Variants in CEP128 observed in about 807,000 individuals in gnomAD.
CEP128 encodes the protein centrosomal protein 128, also known as centrosomal protein 128kDa.
In CEP128, 132 loss-of-function variants were observed where a neutral mutation model predicts 156.7. The observed-to-expected ratio is 0.84, with a 90% confidence interval of 0.73 to 0.97. The LOEUF is 0.97. Among genes scored for constraint, CEP128 ranks in the 50% least tolerant of loss-of-function variants. CEP128 has a pLI of 0.00. For missense variants in CEP128, 1,252 were observed against 1,281.9 expected (o/e 0.98, Z 0.36); for synonymous variants, 469 against 448.9 (o/e 1.04, Z -0.57).
At chr14:80,650,962 T>C (rs1894876145) in intron 19 of CEP128, among the ~76,000 whole-genome samples, 1 of 152,194 alleles carries the variant, frequency 6.6e-6, no homozygotes, top group Non-Finnish European at 1.5e-5. Context: ...TCCTTCTTTT[T>C]CTATTGTTTG....
At chr14:80,939,166 G>C (rs1886007355) in intron 2 of CEP128, among the ~76,000 whole-genome samples, 1 of 152,176 alleles carries the variant, frequency 6.6e-6, no homozygotes, top group Admixed American at 6.5e-5. Context: ...GTACATCACT[G>C]TTGCTTTTGT....
chr14:80,699,827 C>T (rs143104648), intron 19 of CEP128, among the ~76,000 whole-genome samples: 5 of 152,216 alleles, frequency 3.3e-5, no homozygotes, highest in African/African-American at 7.2e-5. Flanking sequence ...CCAGGAAATG[C>T]TAAAATCTAA....
chr14:80,952,986 A>G (rs1296536685), intron 2 of CEP128, among the ~76,000 whole-genome samples: 1 of 152,236 alleles, frequency 6.6e-6, no homozygotes, highest in Non-Finnish European at 1.5e-5. Flanking sequence ...ATCTATGTTT[A>G]GAAACTGGAT....
chr14:80,819,720 G>A (rs183188639), intron 13 of CEP128, among the ~76,000 whole-genome samples: 3 of 152,272 alleles, frequency 2.0e-5, no homozygotes, highest in African/African-American at 4.8e-5. Context: ...CATGCCGAAA[G>A]GGCCTGGTTG....
rs1595539608 is a variant in CEP128, at chr14:80,880,897, A to AT, written c.645+14820dup. On this transcript the variant is annotated intron_variant, in intron 8 of 24. Coordinates refer to ENST00000555265, the MANE Select transcript of CEP128 (RefSeq NM_152446.5). ...AATAATAATAATAATAATAATAATA[A>AT]TAATAATAATAATTTCAGTAAAGGA... Among the ~76,000 whole-genome samples the AT allele has an allele frequency of 2.8e-5, 4 of 143,648 alleles. No individual in the cohort carries two copies. The East Asian group carries it at 8.2e-4, about 29-fold the overall frequency. 94.2% of individuals were successfully genotyped at this position (143,648 alleles called of 152,430 possible). A position where few individuals can be genotyped will look rare whatever the true frequency, so the allele number is the denominator to read the frequency against.
At chr14:80,895,024 C>G (rs1206231885) in intron 8 of CEP128, among the ~76,000 whole-genome samples, 3 of 151,862 alleles carry the variant, frequency 2.0e-5, no homozygotes, top group African/African-American at 7.3e-5. Flanking sequence ...AATAAATACA[C>G]TCCTGAAGTT....
chr14:80,956,271 C>T (rs1427383644), intron 2 of CEP128, among the ~76,000 whole-genome samples: 3 of 152,124 alleles, frequency 2.0e-5, no homozygotes, highest in Admixed American at 2.0e-4. Flanking sequence ...TTTTGTTTCT[C>T]TAGATGGGAG....
intron 20 of CEP128, among the ~76,000 whole-genome samples, chr14:80,561,917 T>A (rs1172773093): frequency 0.013 from 1,943 of 148,092 alleles, 51 homozygotes; most frequent in African/African-American, 0.047. Context: ...TATATATTTG[T>A]TTTGTTTTGT....
chr14:80,932,315 G>A (rs746203322), intron 2 of CEP128, among the ~76,000 whole-genome samples: 5 of 152,242 alleles, frequency 3.3e-5, no homozygotes, highest in Non-Finnish European at 7.3e-5. Context: ...AAATTGGGAA[G>A]AAATGGTTCC....
chr14:80,927,629 A>T (rs1005488007), intron 2 of CEP128, among the ~76,000 whole-genome samples: 8 of 152,190 alleles, frequency 5.3e-5, no homozygotes, highest in Non-Finnish European at 7.4e-5. Context: ...CCAGTGGCCC[A>T]GAAGGGAGGC....
At chr14:80,922,486 A>G (rs1033344173) in intron 2 of CEP128, among the ~76,000 whole-genome samples, 2 of 152,234 alleles carry the variant, frequency 1.3e-5, no homozygotes, top group Non-Finnish European at 2.9e-5. Context: ...TCACTTAAAG[A>G]AACATTCTAA....
intron 16 of CEP128, among the ~76,000 whole-genome samples, chr14:80,767,048 C>G (rs982991352): frequency 6.6e-6 from 1 of 152,052 alleles, no homozygotes; most frequent in African/African-American, 2.4e-5. Context: ...AATTATGAAA[C>G]TATCCTGAAC....
intron 6 of CEP128, 81 bp from the exon 7 acceptor site, chr14:80,900,110 T>C: frequency 1.2e-6 from 1 of 856,412 alleles, no homozygotes; most frequent in Non-Finnish European, 1.9e-6. Flanking sequence ...AAGAATAAGA[T>C]CTTGTTCCTT....
At chr14:80,663,372 C>G (rs1315035708) in intron 19 of CEP128, among the ~76,000 whole-genome samples, 1 of 152,118 alleles carries the variant, frequency 6.6e-6, no homozygotes, top group African/African-American at 2.4e-5. Context: ...TATGATCCAC[C>G]TCCAGGGAGA....
intron 19 of CEP128, among the ~76,000 whole-genome samples, chr14:80,626,490 A>G (rs1893733270): frequency 6.7e-6 from 1 of 148,404 alleles, no homozygotes; most frequent in South Asian, 2.1e-4. Flanking sequence ...AAAAAAAAAA[A>G]AAAAAGAGTG....
intron 17 of CEP128, among the ~76,000 whole-genome samples, chr14:80,760,518 T>C (rs1899907194): frequency 1.3e-5 from 2 of 151,976 alleles, no homozygotes; most frequent in African/African-American, 4.8e-5. Flanking sequence ...GACTAATAAA[T>C]GTCAAAATCA....
chr14:80,751,254 A>G (rs1899376492), intron 18 of CEP128, among the ~76,000 whole-genome samples: 1 of 152,230 alleles, frequency 6.6e-6, no homozygotes. Context: ...GTCAAACAAA[A>G]TTTAAAGCTA....
chr14:80,704,835 T>C (rs1267750808), intron 19 of CEP128, among the ~76,000 whole-genome samples: 4 of 152,060 alleles, frequency 2.6e-5, no homozygotes, highest in Admixed American at 1.3e-4. Flanking sequence ...TTTCCTTTTT[T>C]AAACTCTTTT....
At chr14:80,865,578 T>C (rs1188143645) in intron 8 of CEP128, among the ~76,000 whole-genome samples, 3 of 152,204 alleles carry the variant, frequency 2.0e-5, no homozygotes, top group Non-Finnish European at 4.4e-5. Context: ...TGTAATCCTC[T>C]ACCCTTGAGT....
Sources: allele counts gnomAD v4.1 joint callset (sites outside exome capture counted in the v4.1 genomes callset), GRCh38; gene constraint gnomAD v4.1.1; transcripts MANE v1.5; gene names NCBI Gene and HGNC (gene_info 2026-07-23, HGNC 2026-07-21).